MYCBP2: variants seen among roughly 807,000 people sequenced by gnomAD.
MYCBP2 encodes E3 ubiquitin-protein ligase MYCBP2.
MYCBP2 carries 120 observed loss-of-function variants against 525.3 expected under a neutral mutation model. The ratio of observed to expected loss-of-function variants is 0.23; its 90% CI spans 0.20 to 0.27. The LOEUF (loss-of-function observed/expected upper bound fraction) is 0.27, where lower values mean the gene tolerates loss of function less well. Among genes scored for constraint, MYCBP2 ranks in the 10% least tolerant of loss-of-function variants. MYCBP2 has a pLI of 1.00. For synonymous variants in MYCBP2, 1,894 were observed against 1,955.8 expected, an observed-to-expected ratio of 0.97 and a Z score of 0.83; for missense variants, 4,149 against 5,657.1, an observed-to-expected ratio of 0.73 and a Z score of 8.55.
chr13:77,299,629 T>A (rs1274175028), intron 1 of MYCBP2, among the ~76,000 whole-genome samples: 1 of 152,170 alleles, frequency 6.6e-6, no homozygotes, highest in Non-Finnish European at 1.5e-5. Context: ...CCTTTCACAA[T>A]ATCTGAGGAT....
At chr13:77,290,922 C>T (rs1350658245) in intron 2 of MYCBP2, among the ~76,000 whole-genome samples, 2 of 152,036 alleles carry the variant, frequency 1.3e-5, no homozygotes, top group Non-Finnish European at 2.9e-5. Flanking sequence ...TTTACAGTAA[C>T]ATCAAAAATA....
rs2075900099 is a variant in MYCBP2 at position 77,278,881 on chromosome 13, C to G, written c.625G>C (p.Glu209Gln). 1 of 1,592,288 alleles carries G rather than the reference C, an allele frequency of 6.3e-7. No individual in the cohort carries two copies. Among genetic ancestry groups the G allele is most frequent in the Admixed American group, 1.8e-5 (1 of 56,476 alleles). Residue 209 changes from glutamate to glutamine, a missense_variant, in exon 4 of 83, where the codon GAA (glutamate) becomes CAA (glutamine). Around this residue, in one of 21 missense-constraint regions of MYCBP2, gnomAD observed 413 missense variants for 451.2 expected, o/e 0.92. Transcript: ENST00000544440. ...IIEVGLCEVFELIKETRFSHP... is the reference protein window; with the variant it reads ...IIEVGLCEVFQLIKETRFSHP... ...GAAAATCGTGTCTCTTTGATCAATT[C>G]AAAAACTTCACAAAGGCCAACCTCA...
intron 54 of MYCBP2, among the ~76,000 whole-genome samples, chr13:77,124,281 G>C (rs2051271236): frequency 6.6e-6 from 1 of 152,006 alleles, no homozygotes; most frequent in Admixed American, 6.6e-5. Flanking sequence ...TGTGTTGTGG[G>C]GGGAAAAAGG....
intron 24 of MYCBP2, among the ~76,000 whole-genome samples, chr13:77,205,985 A>G (rs1310119484): frequency 6.6e-6 from 1 of 152,208 alleles, no homozygotes; most frequent in Non-Finnish European, 1.5e-5. Flanking sequence ...TACAATAGAA[A>G]CCAAAATGAA....
chr13:77,244,094 T>C (rs2069426083), intron 15 of MYCBP2, 143 bp from the exon 16 acceptor site: 4 of 924,946 alleles, frequency 4.3e-6, no homozygotes, highest in Non-Finnish European at 4.6e-6. Flanking sequence ...AGATCACGAT[T>C]GTTCATTTTA....
chr13:77,305,627 A>C (rs2079317723), intron 1 of MYCBP2, among the ~76,000 whole-genome samples: 1 of 152,106 alleles, frequency 6.6e-6, no homozygotes, highest in African/African-American at 2.4e-5. Flanking sequence ...GAAACCAATA[A>C]GTTGTATAAA....
At chr13:77,159,382 A>AT (rs879434105) in intron 44 of MYCBP2, among the ~76,000 whole-genome samples, 20 of 148,340 alleles carry the variant, frequency 1.3e-4, no homozygotes, top group South Asian at 2.1e-4. Flanking sequence ...TTGGGACACC[A>AT]TTTTTTTTTT....
chr13:77,045,299 G>A lies in MYCBP2; in HGVS notation c.*79C>T. 2.1e-6 allele frequency: 2 copies of A among 933,318 alleles called. No individual in the cohort carries two copies. Among genetic ancestry groups the A allele is most frequent in the Non-Finnish European group, 3.4e-6 (2 of 582,506 alleles). The allele number at this position is 933,318 out of a possible 1,614,324, so 57.8% of individuals were successfully genotyped here. A position where few individuals can be genotyped will look rare whatever the true frequency, so the allele number is the denominator to read the frequency against. ...GTAAAAATGGTCCCGTCCTTATCCT[G>A]AGCAGAGTTTAAACTTCACCGCATC... On this transcript the variant is annotated 3_prime_UTR_variant, in exon 83 of 83. Transcript: ENST00000544440.
rs764882364 is a variant in MYCBP2, at chr13:77,156,129, C to T, written c.6844G>A (p.Gly2282Ser). The T allele has an allele frequency of 1.9e-6, 3 of 1,613,914 alleles. No individual in the cohort carries two copies. In the African/African-American group the frequency reaches 4.0e-5, roughly 22 times the overall value. ...LILNKDDIRC[G>S]WPTTITVQTK... is the part of the protein sequence containing the mutation. ...TGAACAGTTATGGTGGTAGGCCAAC[C>T]ACAACGAATATCATCCTTATTCAGG... The change falls in exon 46 of 83, where the codon GGT (glycine) becomes AGT (serine). Residue 2282 changes from glycine to serine, a missense_variant. Physicochemically the swap from Gly to Ser is moderately conservative, Grantham distance 56. Coordinates refer to ENST00000544440, the MANE Select transcript of MYCBP2 (RefSeq NM_015057.5).
At chr13:77,151,545 C>T (rs745444062) in intron 46 of MYCBP2, among the ~76,000 whole-genome samples, 2 of 152,182 alleles carry the variant, frequency 1.3e-5, no homozygotes, top group African/African-American at 2.4e-5. Flanking sequence ...AATAATTAAA[C>T]TTTGCAACTC....
intron 31 of MYCBP2, 25 bp from the exon 32 acceptor site, chr13:77,185,402 G>A (rs1161889044): frequency 6.3e-7 from 1 of 1,591,872 alleles, no homozygotes; most frequent in East Asian, 2.2e-5. Flanking sequence ...AAGCAGATTG[G>A]TAATTAAGCA....
At chr13:77,048,992 C>T (rs1412889461) in intron 82 of MYCBP2, among the ~76,000 whole-genome samples, 1 of 152,208 alleles carries the variant, frequency 6.6e-6, no homozygotes, top group Admixed American at 6.5e-5. Context: ...CAACTGGAGG[C>T]TGGTTATCTC....
chr13:77,156,985 T>A (rs2057286367), intron 45 of MYCBP2, among the ~76,000 whole-genome samples: 1 of 152,276 alleles, frequency 6.6e-6, no homozygotes, highest in East Asian at 1.9e-4. Flanking sequence ...ATTTTTTTTT[T>A]ACTAGTAAAA....
At chr13:77,227,312 T>C (rs1437756280) in intron 18 of MYCBP2, among the ~76,000 whole-genome samples, 2 of 149,762 alleles carry the variant, frequency 1.3e-5, no homozygotes, top group East Asian at 3.9e-4. Flanking sequence ...CTAATGTGGG[T>C]TTGCCAAATT....
chr13:77,061,055 G>A (rs1475534325), intron 76 of MYCBP2, 114 bp downstream of exon 76: 7 of 1,140,248 alleles, frequency 6.1e-6, no homozygotes, highest in Non-Finnish European at 8.5e-6. Flanking sequence ...GATCAATGAT[G>A]TCATAATTAA....
At chr13:77,072,556 G>A (rs9600813) in intron 68 of MYCBP2, among the ~76,000 whole-genome samples, 4,305 of 152,056 alleles carry the variant, frequency 0.028, 223 homozygotes, top group African/African-American at 0.097. Flanking sequence ...ATAAAGTTGT[G>A]ATTATTAAAA....
rs201835625 is a variant in MYCBP2 at position 77,275,177 on chromosome 13, AAT to A, written c.749-1511_749-1510del. On this transcript the variant is annotated intron_variant, in intron 4 of 82. Transcript: ENST00000544440. ...AAAGGTTAAGAATCCAGGGAAAGAA[AAT>A]AGTCAATAGTTTAAACAAATAATTT... 8.7e-3 allele frequency among the ~76,000 whole-genome samples: 1,322 copies of A among 152,356 alleles called. 21 individuals carry two copies. The highest frequency in any genetic ancestry group is 0.03 in the African/African-American group (1,231 of 41,580).
rs2035281746 is a variant in MYCBP2, at chr13:77,044,970, A to G, written c.*408T>C. The stretch of plus-strand genomic sequence containing the variant: ...ATTCCTCTTTTTATCCCCACCCGTG[A>G]TGCAATTGTACAGGATTACAAAAAG... On this transcript the variant is annotated 3_prime_UTR_variant, in exon 83 of 83. Coordinates refer to ENST00000544440, the MANE Select transcript of MYCBP2 (RefSeq NM_015057.5). 1 of 400,152 alleles carries G rather than the reference A, an allele frequency of 2.5e-6. No individual in the cohort carries two copies. Among genetic ancestry groups the G allele is most frequent in the Admixed American group, 4.3e-5 (1 of 23,068 alleles). The allele number at this position is 400,152 out of a possible 1,614,324, so 24.8% of individuals were successfully genotyped here.
At chr13:77,136,481 AT>A (rs2053783189) in intron 52 of MYCBP2, among the ~76,000 whole-genome samples, 1 of 152,268 alleles carries the variant, frequency 6.6e-6, no homozygotes, top group East Asian at 1.9e-4. Flanking sequence ...AGAACTGATA[AT>A]CTTAATTGCT....
Sources: gnomAD v4.1 joint callset for allele counts (sites outside exome capture counted in the v4.1 genomes callset) on GRCh38, gnomAD v4.1.1 for gene constraint, gnomAD v4.1.1 regional missense constraint, MANE v1.5 for transcripts, NCBI Gene and HGNC (gene_info 2026-07-23, HGNC 2026-07-21) for gene names.